MXI1: variants seen among roughly 807,000 people sequenced by gnomAD.
The protein encoded by MXI1 is max-interacting protein 1.
A neutral mutation model predicts 36.9 loss-of-function variants in MXI1; 18 were observed. The ratio of observed to expected loss-of-function variants is 0.49; its 90% CI spans 0.34 to 0.72. The LOEUF is 0.72. Among genes scored for constraint, MXI1 ranks in the 30% least tolerant of loss-of-function variants. The probability of loss-of-function intolerance (pLI) is 0.01; values close to 1 mark genes in which losing one functional copy is unlikely to be tolerated. For missense variants in MXI1, 304 were observed against 379.1 expected, an observed-to-expected ratio of 0.80 and a Z score of 1.64; for synonymous variants, 160 against 146.7, an observed-to-expected ratio of 1.09 and a Z score of -0.65.
At chr10:110,210,400 C>A in intron 1 of MXI1, 1 of 545,686 alleles carries the variant, frequency 1.8e-6, no homozygotes, top group Non-Finnish European at 2.3e-6. Flanking sequence ...TGCTTCTTTT[C>A]GCCGCTGCTG....
chr10:110,249,168 G>A (rs922371861), intron 3 of MXI1, among the ~76,000 whole-genome samples: 1 of 152,106 alleles, frequency 6.6e-6, no homozygotes, highest in Non-Finnish European at 1.5e-5. Context: ...CCTTTGATCT[G>A]CCTTTGAGTG....
Position 110,260,982 on chromosome 10 carries a change from T to C in MXI1, c.437+16125T>C. On this transcript the variant is annotated intron_variant, in intron 3 of 5. Coordinates refer to ENST00000332674, the MANE Select transcript of MXI1 (RefSeq NM_130439.3). The stretch of plus-strand genomic sequence containing the variant: ...GTTTTGTGGTTGTAACTGTATTATA[T>C]TGTTGTATCTCATCAGTCACTTTAA... 3 of 984,602 alleles carry C rather than the reference T, an allele frequency of 3.0e-6. No homozygotes were observed. The South Asian group carries it at 1.4e-4, about 46-fold the overall frequency. 61.0% of individuals were successfully genotyped at this position (984,602 alleles called of 1,614,324 possible).
intron 2 of MXI1, among the ~76,000 whole-genome samples, chr10:110,240,219 A>G (rs1240936359): frequency 1.3e-5 from 2 of 152,130 alleles, no homozygotes; most frequent in African/African-American, 4.8e-5. Flanking sequence ...GTTCTATACA[A>G]GCATTCTTTT....
chr10:110,275,630 T>C (rs1025629145), intron 3 of MXI1, among the ~76,000 whole-genome samples: 2 of 152,202 alleles, frequency 1.3e-5, no homozygotes, highest in African/African-American at 4.8e-5. Context: ...ACTGTGTGCA[T>C]TATTTGGATG....
intron 2 of MXI1, among the ~76,000 whole-genome samples, chr10:110,242,500 C>A (rs1855706696): frequency 6.6e-6 from 1 of 151,942 alleles, no homozygotes; most frequent in Admixed American, 6.6e-5. Context: ...TATTTATGAT[C>A]ATTTTTGCTT....
intron 3 of MXI1, chr10:110,260,966 T>C (rs1267861040): frequency 2.2e-5 from 22 of 983,442 alleles, no homozygotes; most frequent in Non-Finnish European, 2.7e-5. Context: ...GGTTTTGTGG[T>C]TGTAACTGTA....
At chr10:110,279,876 G>C (rs371629291) in intron 4 of MXI1, 38 bp from the exon 5 acceptor site, 1 of 1,535,620 alleles carries the variant, frequency 6.5e-7, no homozygotes, top group Non-Finnish European at 8.9e-7. Context: ...GTTTGTACTG[G>C]ACTATACACA....
chr10:110,262,708 A>G (rs1856558891), intron 3 of MXI1, among the ~76,000 whole-genome samples: 1 of 152,164 alleles, frequency 6.6e-6, no homozygotes, highest in African/African-American at 2.4e-5. Context: ...GAGAGACCTT[A>G]GAAGATCATC....
chr10:110,278,978 G>A (rs969221397), intron 3 of MXI1, among the ~76,000 whole-genome samples: 1 of 152,204 alleles, frequency 6.6e-6, no homozygotes, highest in Non-Finnish European at 1.5e-5. Context: ...AATCTAAAGT[G>A]AGTGTTGTCT....
chr10:110,210,278 G>GT, intron 1 of MXI1: 2 of 985,146 alleles, frequency 2.0e-6, no homozygotes, highest in Non-Finnish European at 2.4e-6. Context: ...CCCGAGAGGG[G>GT]TTTGGAACCT....
In MXI1 at chr10:110,280,549, A is replaced by G. The variant is rs189030364; in HGVS notation, c.724+464A>G. Among the ~76,000 whole-genome samples, 696 of 151,918 alleles carry G rather than the reference A, an allele frequency of 4.6e-3. 8 individuals carry two copies. The highest frequency in any genetic ancestry group is 0.015 in the African/African-American group (606 of 41,486). The stretch of plus-strand genomic sequence containing the variant: ...CAAAAAATTAGACGGGCGTGGTGGC[A>G]GGCGCCTGTAGTCCTAGCTACTCGG... On this transcript the variant is annotated intron_variant, in intron 5 of 5. Transcript: ENST00000332674.
chr10:110,226,393 T>C, intron 1 of MXI1: 1 of 774,632 alleles, frequency 1.3e-6, no homozygotes, highest in Non-Finnish European at 1.5e-6. Flanking sequence ...TGAGGTGAGG[T>C]GTGCGCGCAT....
chr10:110,256,495 C>T lies in MXI1; in HGVS notation c.437+11638C>T, dbSNP rs886871823. On this transcript the variant is annotated intron_variant, in intron 3 of 5. Transcript: ENST00000332674. ...GTGCATGCCTGTAATCCCAGCTACTCGGGAGGCTGAGGCAGGAGAATCACT... is the reference window on the plus strand; with the variant it reads ...GTGCATGCCTGTAATCCCAGCTACTTGGGAGGCTGAGGCAGGAGAATCACT... 5.5e-5 allele frequency among the ~76,000 whole-genome samples: 8 copies of T among 144,846 alleles called. No homozygotes were observed. The South Asian group carries it at 8.8e-4, about 16-fold the overall frequency.
intron 5 of MXI1, among the ~76,000 whole-genome samples, chr10:110,284,517 G>A (rs1390360576): frequency 6.6e-6 from 1 of 152,196 alleles, no homozygotes; most frequent in African/African-American, 2.4e-5. Context: ...CCACTTGGGG[G>A]TTGGGACCTT....
Position 110,273,337 on chromosome 10 carries a change from G to A in MXI1, c.438-5843G>A, listed in dbSNP as rs569799872. Among the ~76,000 whole-genome samples, 7 of 152,226 alleles carry A rather than the reference G, an allele frequency of 4.6e-5. No homozygotes were observed. The South Asian group carries it at 8.3e-4, about 18-fold the overall frequency. ...GCTGAGATTACAGGCATGAGCCACCGTGCCTGGCCTTTGTTTAGCTTTCTT... is the reference window on the plus strand; with the variant it reads ...GCTGAGATTACAGGCATGAGCCACCATGCCTGGCCTTTGTTTAGCTTTCTT... On this transcript the variant is annotated intron_variant, in intron 3 of 5. Coordinates refer to ENST00000332674, the MANE Select transcript of MXI1 (RefSeq NM_130439.3).
At chr10:110,251,010 TA>T (rs60315131) in intron 3 of MXI1, among the ~76,000 whole-genome samples, 9,415 of 54,926 alleles carry the variant, frequency 0.17, 746 homozygotes, top group South Asian at 0.39. Flanking sequence ...AAGTATTTGT[TA>T]AAAAAAAAAA....
In MXI1 at chr10:110,208,058, G is replaced by C; in HGVS notation, c.250G>C (p.Glu84Gln). 3 of 1,598,498 alleles carry C rather than the reference G, an allele frequency of 1.9e-6. No homozygotes were observed. In the South Asian group the frequency reaches 3.4e-5, roughly 18 times the overall value. Reference sequence around the variant, plus strand: ...TCTGCTCGAGGCCGCCAGCTACCTGGAGCAGATCGAGAAAGAAAACAAAAG... The same window carrying C: ...TCTGCTCGAGGCCGCCAGCTACCTGCAGCAGATCGAGAAAGAAAACAAAAG... ...QILLEAASYL[E>Q]QIEKENKKCE... The change falls in exon 1 of 6, where the codon GAG (glutamate) becomes CAG (glutamine). Residue 84 changes from glutamate to glutamine, a missense_variant. Physicochemically the swap from Glu to Gln is conservative, Grantham distance 29 (BLOSUM62 2). Coordinates refer to ENST00000332674, the MANE Select transcript of MXI1 (RefSeq NM_130439.3).
chr10:110,285,006 A>G lies in MXI1; in HGVS notation c.*19A>G. On this transcript the variant is annotated 3_prime_UTR_variant, in exon 6 of 6. Transcript: ENST00000332674. ...TTCATAGAACCCAGCATGACATAAC[A>G]GTGCAGGGCAAAATATTCACTGGGC... The G allele has an allele frequency of 6.3e-7, 1 of 1,590,600 alleles. No homozygotes were observed. The highest frequency in any genetic ancestry group is 8.5e-7 in the Non-Finnish European group (1 of 1,169,626).
chr10:110,230,361 A>G (rs555695247), intron 2 of MXI1, among the ~76,000 whole-genome samples: 35 of 152,356 alleles, frequency 2.3e-4, no homozygotes, highest in African/African-American at 7.9e-4. Flanking sequence ...GTGTTTTAGC[A>G]TAGCATGTCG....
Sources: gnomAD v4.1 joint callset for allele counts (sites outside exome capture counted in the v4.1 genomes callset) on GRCh38, gnomAD v4.1.1 for gene constraint, MANE v1.5 for transcripts, NCBI Gene and HGNC (gene_info 2026-07-23, HGNC 2026-07-21) for gene names.